Variants in STXBP4 observed in about 807,000 individuals in gnomAD.
STXBP4 encodes the protein syntaxin-binding protein 4.
STXBP4 carries 55 observed loss-of-function variants against 76.1 expected under a neutral mutation model. The ratio of observed to expected loss-of-function variants is 0.72; its 90% CI spans 0.58 to 0.91. The LOEUF (loss-of-function observed/expected upper bound fraction) is 0.91. STXBP4 is among the 40% of genes least tolerant of loss of function. The probability of loss-of-function intolerance (pLI) is 0.00; values close to 1 mark genes in which losing one functional copy is unlikely to be tolerated. For synonymous variants in STXBP4, 201 were observed against 220.2 expected, an observed-to-expected ratio of 0.91 and a Z score of 0.77; for missense variants, 618 against 636.9, an observed-to-expected ratio of 0.97 and a Z score of 0.32.
rs2145200178 is a variant in STXBP4, at chr17:55,162,170, C to T, written c.*2259C>T. 6.6e-6 allele frequency: 1 copy of T among 152,328 alleles called. No homozygotes were observed. The highest frequency in any genetic ancestry group is 6.5e-5 in the Admixed American group (1 of 15,298). 9.4% of individuals were successfully genotyped at this position (152,328 alleles called of 1,614,324 possible). ...TGGCCACTCTCTCAGATTCCCTCTT[C>T]ATAAAGCTTCCGTGACTTCTAAACC... On this transcript the variant is annotated 3_prime_UTR_variant, in exon 18 of 18. Transcript: ENST00000376352.
In STXBP4 at chr17:55,146,649, G is replaced by A. The variant is rs35511447; in HGVS notation, c.1547+5282G>A. Among the ~76,000 whole-genome samples the A allele has an allele frequency of 3.6e-3, 552 of 152,098 alleles. 2 individuals are homozygous for A. Among genetic ancestry groups the A allele is most frequent in the Admixed American group, 5.8e-3 (88 of 15,276 alleles). ...GGAGAATGTTGTGTACCCGGGAGGCGGAGTTTGCAGTGAGCCAAGATCACA... is the reference window on the plus strand; with the variant it reads ...GGAGAATGTTGTGTACCCGGGAGGCAGAGTTTGCAGTGAGCCAAGATCACA... On this transcript the variant is annotated intron_variant, in intron 17 of 17. Coordinates refer to ENST00000376352, the MANE Select transcript of STXBP4 (RefSeq NM_178509.6).
chr17:54,997,860 G>A (rs1294528815), intron 4 of STXBP4, among the ~76,000 whole-genome samples: 1 of 149,990 alleles, frequency 6.7e-6, no homozygotes, highest in South Asian at 2.1e-4. Flanking sequence ...AGTGTTGGGT[G>A]TACAGATGTG....
At chr17:55,110,110 A>G (rs2079694562) in intron 16 of STXBP4, among the ~76,000 whole-genome samples, 1 of 152,168 alleles carries the variant, frequency 6.6e-6, no homozygotes, top group African/African-American at 2.4e-5. Context: ...GGCTGCCCAC[A>G]TTACTTGACT....
intron 16 of STXBP4, among the ~76,000 whole-genome samples, chr17:55,127,983 A>G (rs1294027279): frequency 1.3e-5 from 2 of 152,186 alleles, no homozygotes; most frequent in Admixed American, 1.3e-4. Flanking sequence ...CTGTGACAGC[A>G]TTTCTAAAAT....
intron 16 of STXBP4, among the ~76,000 whole-genome samples, chr17:55,133,238 G>C (rs1013433913): frequency 5.9e-5 from 9 of 152,100 alleles, no homozygotes; most frequent in African/African-American, 2.2e-4. Context: ...TATGCTGGTT[G>C]ATTACATATG....
At chr17:55,097,967 A>T (rs994823495) in intron 16 of STXBP4, among the ~76,000 whole-genome samples, 1 of 152,146 alleles carries the variant, frequency 6.6e-6, no homozygotes, top group Admixed American at 6.5e-5. Context: ...CATTGAAAAT[A>T]TTATGGCTCA....
At chr17:55,008,616 A>T (rs945843458) in intron 8 of STXBP4, among the ~76,000 whole-genome samples, 1 of 152,216 alleles carries the variant, frequency 6.6e-6, no homozygotes. Flanking sequence ...ACAGTCATAC[A>T]GAAGTGTAAT....
chr17:55,004,269 C>A (rs962138374), intron 7 of STXBP4, among the ~76,000 whole-genome samples: 4 of 151,842 alleles, frequency 2.6e-5, no homozygotes, highest in African/African-American at 9.7e-5. Flanking sequence ...TTCCTTTAGA[C>A]CAAGTCTTTT....
rs936613973 is a variant in STXBP4, at chr17:55,173,479, C to T, written c.*13568C>T. 1.3e-5 allele frequency: 2 copies of T among 152,152 alleles called. No homozygotes were observed. The highest frequency in any genetic ancestry group is 4.8e-5 in the African/African-American group (2 of 41,424). The allele number at this position is 152,152 out of a possible 1,614,324, so 9.4% of individuals were successfully genotyped here. ...CAGCATAATGCCTTTGAGATTCATC[C>T]AGATCGTTGTGTGTATCAGTAGTTT... On this transcript the variant is annotated 3_prime_UTR_variant, in exon 18 of 18. Coordinates refer to ENST00000376352, the MANE Select transcript of STXBP4 (RefSeq NM_178509.6).
chr17:55,021,929 T>C lies in STXBP4; in HGVS notation c.667-9239T>C, dbSNP rs377686807. Among the ~76,000 whole-genome samples, 8 of 152,350 alleles carry C rather than the reference T, an allele frequency of 5.3e-5. No homozygotes were observed. In the East Asian group the frequency reaches 1.3e-3, roughly 26 times the overall value. On this transcript the variant is annotated intron_variant, in intron 8 of 17. Coordinates refer to ENST00000376352, the MANE Select transcript of STXBP4 (RefSeq NM_178509.6). ...TAATTCCTCATTTAAGAAATTTTCC[T>C]AAGTAAATAATTGGACAGGGGCACA...
intron 17 of STXBP4, among the ~76,000 whole-genome samples, chr17:55,154,294 C>A (rs1440681445): frequency 6.6e-6 from 1 of 152,166 alleles, no homozygotes; most frequent in Non-Finnish European, 1.5e-5. Context: ...AGGAACTAAT[C>A]ACATGCTCAC....
chr17:55,031,668 A>G (rs1458899502), intron 9 of STXBP4, among the ~76,000 whole-genome samples: 1 of 152,172 alleles, frequency 6.6e-6, no homozygotes, highest in African/African-American at 2.4e-5. Flanking sequence ...AATTAGAGTC[A>G]TCCCTTGGTA....
chr17:55,176,235 G>T (rs1482922918), downstream of STXBP4, among the ~76,000 whole-genome samples: 1 of 152,234 alleles, frequency 6.6e-6, no homozygotes, highest in Non-Finnish European at 1.5e-5. Context: ...GGAAGTAAGT[G>T]TGACAGACGC....
intron 16 of STXBP4, among the ~76,000 whole-genome samples, chr17:55,127,597 A>G (rs1017388184): frequency 7.2e-5 from 11 of 152,186 alleles, no homozygotes; most frequent in Non-Finnish European, 5.9e-5. Flanking sequence ...CTTTTATTTA[A>G]GTTTATAACT....
Position 55,144,496 on chromosome 17 carries a change from C to T in STXBP4, c.1547+3129C>T, listed in dbSNP as rs76676712. On this transcript the variant is annotated intron_variant, in intron 17 of 17. Coordinates refer to ENST00000376352, the MANE Select transcript of STXBP4 (RefSeq NM_178509.6). The stretch of plus-strand genomic sequence containing the variant: ...ACAGTGAGTTCTACAGGGGATATTA[C>T]GCTGTATAAGACACAGTAGAGACAC... Among the ~76,000 whole-genome samples, 1,101 of 152,298 alleles carry T rather than the reference C, an allele frequency of 7.2e-3. 17 individuals carry two copies. Among genetic ancestry groups the T allele is most frequent in the African/African-American group, 0.025 (1,026 of 41,556 alleles).
chr17:55,027,841 A>T (rs1417689252), intron 8 of STXBP4, among the ~76,000 whole-genome samples: 1 of 152,184 alleles, frequency 6.6e-6, no homozygotes, highest in Non-Finnish European at 1.5e-5. Flanking sequence ...TGTGATATGA[A>T]TCCAACAGTA....
intron 16 of STXBP4, among the ~76,000 whole-genome samples, chr17:55,121,310 ACT>A (rs141463556): frequency 5.5e-4 from 84 of 152,300 alleles, no homozygotes; most frequent in African/African-American, 1.9e-3. Context: ...TTAATGTTTG[ACT>A]CTGAGAAATT....
At chr17:55,090,040 C>T (rs2079390279) in intron 16 of STXBP4, among the ~76,000 whole-genome samples, 1 of 152,092 alleles carries the variant, frequency 6.6e-6, no homozygotes, top group Non-Finnish European at 1.5e-5. Flanking sequence ...TGCTAAACAA[C>T]AGTAACGATT....
chr17:55,088,962 A>G (rs10515089), intron 16 of STXBP4, among the ~76,000 whole-genome samples: 26,017 of 152,188 alleles, frequency 0.17, 2,688 homozygotes, highest in East Asian at 0.35. Context: ...AGCAGTTTGA[A>G]TACATGTAAA....
Sources: gnomAD v4.1 joint callset for allele counts (sites outside exome capture counted in the v4.1 genomes callset) on GRCh38, gnomAD v4.1.1 for gene constraint, MANE v1.5 for transcripts, NCBI Gene and HGNC (gene_info 2026-07-23, HGNC 2026-07-21) for gene names.